Variants in TEAD1 observed in about 807,000 individuals in gnomAD.
TEAD1 encodes transcriptional enhancer factor TEF-1.
TEAD1 carries 9 observed loss-of-function variants against 54.9 expected under a neutral mutation model. The observed-to-expected ratio is 0.16, with a 90% CI of 0.10 to 0.29. The LOEUF is 0.29. Ranked by LOEUF, TEAD1 falls within the 10% of genes least tolerant of loss-of-function variation. The pLI, the probability that TEAD1 is intolerant of heterozygous loss-of-function variation, is 1.00. For synonymous variants in TEAD1, 200 were observed against 187.8 expected (o/e 1.07, Z -0.53); for missense variants, 387 against 535.9 (o/e 0.72, Z 2.74).
intron 3 of TEAD1, among the ~76,000 whole-genome samples, chr11:12,795,381 T>G (rs1051979420): frequency 6.6e-6 from 1 of 152,190 alleles, no homozygotes; most frequent in Non-Finnish European, 1.5e-5. Context: ...AAATTTGAGG[T>G]GTACTGAGGG....
intron 3 of TEAD1, among the ~76,000 whole-genome samples, chr11:12,769,294 G>A (rs138588425): frequency 6.6e-6 from 1 of 152,192 alleles, no homozygotes; most frequent in African/African-American, 2.4e-5. Flanking sequence ...CACCAGGACA[G>A]CATAGGACTT....
At chr11:12,773,801 CTTAT>C (rs1174709884) in intron 3 of TEAD1, among the ~76,000 whole-genome samples, 1 of 152,126 alleles carries the variant, frequency 6.6e-6, no homozygotes, top group East Asian at 1.9e-4. Context: ...TTGATGAGGT[CTTAT>C]TTATTAGTTT....
intron 2 of TEAD1, among the ~76,000 whole-genome samples, chr11:12,691,030 C>T (rs568689110): frequency 2.1e-4 from 32 of 152,202 alleles, no homozygotes; most frequent in Non-Finnish European, 5.9e-5. Context: ...AGATTACAGG[C>T]GTGAGCCATC....
intron 2 of TEAD1, among the ~76,000 whole-genome samples, chr11:12,740,341 T>C (rs1001624865): frequency 1.3e-5 from 2 of 152,206 alleles, no homozygotes; most frequent in African/African-American, 4.8e-5. Context: ...GCTACTGTGA[T>C]TGATTATTGC....
intron 3 of TEAD1, among the ~76,000 whole-genome samples, chr11:12,836,398 T>C (rs972539375): frequency 6.9e-6 from 1 of 145,914 alleles, no homozygotes; most frequent in Non-Finnish European, 1.5e-5. Flanking sequence ...CTAGCCTGGG[T>C]GACAGAGCGA....
At chr11:12,892,304 GA>G (rs1948212632) in intron 9 of TEAD1, among the ~76,000 whole-genome samples, 1 of 152,120 alleles carries the variant, frequency 6.6e-6, no homozygotes, top group Non-Finnish European at 1.5e-5. Context: ...AGAAGAGGGG[GA>G]TGGCTGTGCA....
chr11:12,710,007 T>C lies in TEAD1; in HGVS notation c.-55+34446T>C, dbSNP rs139340792. Among the ~76,000 whole-genome samples the C allele has an allele frequency of 3.0e-4, 34 of 114,010 alleles. No homozygotes were observed. The East Asian group carries it at 5.9e-3, about 20-fold the overall frequency. The allele number at this position is 114,010 out of a possible 152,430, so 74.8% of individuals were successfully genotyped here. ...AGTAATGAGAAAAGAAATAATGAAG[T>C]CTTACCAAATTGTTAAAAAAAAAAA... On this transcript the variant is annotated intron_variant, in intron 2 of 12. Coordinates refer to ENST00000527636, the MANE Select transcript of TEAD1 (RefSeq NM_021961.6).
chr11:12,920,222 T>C (rs919498051), intron 10 of TEAD1, among the ~76,000 whole-genome samples: 3 of 152,208 alleles, frequency 2.0e-5, no homozygotes, highest in Non-Finnish European at 4.4e-5. Flanking sequence ...GGACAGCTGC[T>C]TTCACCAGCG....
chr11:12,915,777 G>A (rs757153047), intron 10 of TEAD1, among the ~76,000 whole-genome samples: 1 of 152,164 alleles, frequency 6.6e-6, no homozygotes, highest in Non-Finnish European at 1.5e-5. Flanking sequence ...CCAGAAGGTC[G>A]AGGTTGCAGT....
At chr11:12,896,009 A>G (rs1417144524) in intron 9 of TEAD1, among the ~76,000 whole-genome samples, 1 of 138,010 alleles carries the variant, frequency 7.2e-6, no homozygotes, top group Non-Finnish European at 1.5e-5. Flanking sequence ...TCTTCCTTTC[A>G]GTCACCCTAT....
chr11:12,850,194 C>T (rs945008456), intron 3 of TEAD1, among the ~76,000 whole-genome samples: 6 of 152,254 alleles, frequency 3.9e-5, no homozygotes, highest in South Asian at 2.1e-4. Context: ...CCAGCACTTT[C>T]GGAGGCCGAG....
intron 2 of TEAD1, among the ~76,000 whole-genome samples, chr11:12,750,030 T>G (rs1177084612): frequency 6.6e-6 from 1 of 152,184 alleles, no homozygotes; most frequent in East Asian, 1.9e-4. Flanking sequence ...GAAGATTATA[T>G]TTGTCGTTTA....
At chr11:12,702,612 G>A (rs930727000) in intron 2 of TEAD1, among the ~76,000 whole-genome samples, 6 of 152,108 alleles carry the variant, frequency 3.9e-5, no homozygotes, top group Non-Finnish European at 8.8e-5. Context: ...CAGCAGCACT[G>A]CCTTTCTTCA....
At chr11:12,745,808 C>A (rs922484098) in intron 2 of TEAD1, among the ~76,000 whole-genome samples, 6 of 152,042 alleles carry the variant, frequency 3.9e-5, no homozygotes, top group African/African-American at 1.4e-4. Flanking sequence ...CTACCTTTCA[C>A]CACCTTCAGG....
chr11:12,699,307 A>T (rs1300924156), intron 2 of TEAD1, among the ~76,000 whole-genome samples: 1 of 151,446 alleles, frequency 6.6e-6, no homozygotes, highest in Non-Finnish European at 1.5e-5. Context: ...TCTTTTAAAG[A>T]TTTTTTTTTC....
chr11:12,741,746 C>T (rs1944654116), intron 2 of TEAD1, among the ~76,000 whole-genome samples: 1 of 152,080 alleles, frequency 6.6e-6, no homozygotes, highest in Non-Finnish European at 1.5e-5. Context: ...AGTCTTTTTT[C>T]CCCCTGCCTT....
chr11:12,678,858 TA>T (rs1421124456), intron 2 of TEAD1, among the ~76,000 whole-genome samples: 2 of 152,248 alleles, frequency 1.3e-5, no homozygotes, highest in East Asian at 3.8e-4. Flanking sequence ...TTTTTTCAAA[TA>T]CATTCCAGTT....
At chr11:12,787,026 G>T (rs1945691928) in intron 3 of TEAD1, among the ~76,000 whole-genome samples, 2 of 152,176 alleles carry the variant, frequency 1.3e-5, no homozygotes, top group African/African-American at 4.8e-5. Flanking sequence ...ATGGAGGTCA[G>T]AGCTCAGATC....
chr11:12,703,255 A>G (rs1485506924), intron 2 of TEAD1, among the ~76,000 whole-genome samples: 1 of 152,144 alleles, frequency 6.6e-6, no homozygotes, highest in East Asian at 1.9e-4. Context: ...CTCCCAAAAA[A>G]GCTTCCCTTA....
Sources: gnomAD v4.1 joint callset for allele counts (sites outside exome capture counted in the v4.1 genomes callset) on GRCh38, gnomAD v4.1.1 for gene constraint, MANE v1.5 for transcripts, NCBI Gene and HGNC (gene_info 2026-07-23, HGNC 2026-07-21) for gene names.